Variants in MEF2C observed in about 807,000 individuals in gnomAD.
MEF2C encodes myocyte-specific enhancer factor 2C.
In MEF2C, 6 loss-of-function variants were observed where a neutral mutation model predicts 50.5. The ratio of observed to expected loss-of-function variants is 0.12; its 90% CI spans 0.07 to 0.23. The LOEUF is 0.23. Ranked by LOEUF, MEF2C falls within the 10% of genes least tolerant of loss-of-function variation. MEF2C has a pLI of 1.00. For missense variants in MEF2C, 276 were observed against 605.0 expected, an observed-to-expected ratio of 0.46 and a Z score of 5.70; for synonymous variants, 183 against 228.0, an observed-to-expected ratio of 0.80 and a Z score of 1.78.
intron 1 of MEF2C, among the ~76,000 whole-genome samples, chr5:88,876,100 A>G (rs1362189140): frequency 1.4e-5 from 2 of 147,820 alleles, no homozygotes; most frequent in African/African-American, 5.0e-5. Context: ...TAAACTCCTC[A>G]AACTACCTTC....
intron 3 of MEF2C, among the ~76,000 whole-genome samples, chr5:88,797,622 T>C (rs540421681): frequency 6.6e-6 from 1 of 152,258 alleles, no homozygotes; most frequent in African/African-American, 2.4e-5. Flanking sequence ...TGTCTTTTAA[T>C]TGGGGCATTT....
At chr5:88,736,804 T>A in intron 6 of MEF2C, 1 of 985,414 alleles carries the variant, frequency 1.0e-6, no homozygotes, top group Non-Finnish European at 1.2e-6. Flanking sequence ...CTATGAAACC[T>A]AATTTCCAAT....
intron 1 of MEF2C, among the ~76,000 whole-genome samples, chr5:88,872,148 A>G (rs1829713858): frequency 6.6e-6 from 1 of 152,018 alleles, no homozygotes; most frequent in Non-Finnish European, 1.5e-5. Context: ...AAGGTTATTA[A>G]TGTATACAAA....
At chr5:88,903,465 C>T (rs1270789514) in intron 1 of MEF2C, among the ~76,000 whole-genome samples, 2 of 151,846 alleles carry the variant, frequency 1.3e-5, no homozygotes, top group African/African-American at 2.4e-5. Flanking sequence ...GTTCTTGTAG[C>T]ATGCACACAT....
intron 6 of MEF2C, chr5:88,736,014 G>T (rs1198807017): frequency 2.0e-6 from 2 of 985,066 alleles, no homozygotes. Flanking sequence ...ATGGACCATG[G>T]CTAATTCTGC....
At chr5:88,849,075 C>T (rs1374173344) in intron 1 of MEF2C, among the ~76,000 whole-genome samples, 13 of 146,402 alleles carry the variant, frequency 8.9e-5, no homozygotes, top group African/African-American at 3.0e-4. Flanking sequence ...CGCTTGAACC[C>T]GGGAGGCAGA....
At chr5:88,842,101 T>A (rs1817600588) in intron 1 of MEF2C, among the ~76,000 whole-genome samples, 1 of 152,216 alleles carries the variant, frequency 6.6e-6, no homozygotes, top group African/African-American at 2.4e-5. Flanking sequence ...TGATTTCTGA[T>A]GAAGTGTTCT....
At chr5:88,815,565 A>G (rs1356170525) in intron 2 of MEF2C, among the ~76,000 whole-genome samples, 1 of 152,134 alleles carries the variant, frequency 6.6e-6, no homozygotes, top group Non-Finnish European at 1.5e-5. Flanking sequence ...TACACATTAC[A>G]TATTATCAAT....
chr5:88,761,013 T>C (rs1201372269), intron 4 of MEF2C, 172 bp downstream of exon 4: 1 of 1,610,654 alleles, frequency 6.2e-7, no homozygotes, highest in East Asian at 2.2e-5. Context: ...CTTGATCATA[T>C]TATCAAATTC....
At chr5:88,836,764 C>T (rs936137458) in intron 1 of MEF2C, among the ~76,000 whole-genome samples, 3 of 152,040 alleles carry the variant, frequency 2.0e-5, no homozygotes, top group Admixed American at 6.6e-5. Flanking sequence ...TAACACTAAA[C>T]GGAAAGTATT....
At chr5:88,763,520 G>A (rs1417832727) in intron 3 of MEF2C, among the ~76,000 whole-genome samples, 1 of 152,026 alleles carries the variant, frequency 6.6e-6, no homozygotes, top group Admixed American at 6.6e-5. Context: ...AATACTTTCT[G>A]ATTGTTTTTG....
chr5:88,871,602 A>G (rs1829535003), intron 1 of MEF2C, among the ~76,000 whole-genome samples: 1 of 152,088 alleles, frequency 6.6e-6, no homozygotes, highest in Non-Finnish European at 1.5e-5. Flanking sequence ...TAAACTGGGC[A>G]TGTCTCATCA....
intron 2 of MEF2C, among the ~76,000 whole-genome samples, chr5:88,818,325 T>C (rs150238234): frequency 1.4e-4 from 22 of 152,044 alleles, no homozygotes; most frequent in Non-Finnish European, 2.9e-4. Context: ...AACCTTTGCA[T>C]ATATATGTTA....
At chr5:88,791,125 C>T (rs1409316066) in intron 3 of MEF2C, among the ~76,000 whole-genome samples, 1 of 152,166 alleles carries the variant, frequency 6.6e-6, no homozygotes, top group Non-Finnish European at 1.5e-5. Flanking sequence ...GTTAGTTTTA[C>T]TTAGATGATA....
intron 3 of MEF2C, chr5:88,761,826 C>T (rs1778003978): frequency 6.4e-6 from 1 of 156,028 alleles, no homozygotes; most frequent in Non-Finnish European, 1.4e-5. Flanking sequence ...TTCTGATGTA[C>T]TTGACAGCTA....
intron 1 of MEF2C, among the ~76,000 whole-genome samples, chr5:88,826,266 A>G (rs1039854250): frequency 1.3e-5 from 2 of 152,044 alleles, no homozygotes; most frequent in African/African-American, 4.8e-5. Context: ...AATGCCATTG[A>G]ATATATTTTC....
At chr5:88,734,824 T>C (rs572146096) in intron 6 of MEF2C, 1 of 976,920 alleles carries the variant, frequency 1.0e-6, no homozygotes, top group African/African-American at 1.7e-5. Flanking sequence ...TTTTAGAAGA[T>C]TAGTCACATA....
chr5:88,816,123 C>T (rs1419606935), intron 2 of MEF2C, among the ~76,000 whole-genome samples: 2 of 151,978 alleles, frequency 1.3e-5, no homozygotes, highest in African/African-American at 4.8e-5. Flanking sequence ...CCCTCAAGTT[C>T]AAAGAAGAGT....
At chr5:88,770,072 CAG>C in intron 3 of MEF2C, 1 of 877,292 alleles carries the variant, frequency 1.1e-6, no homozygotes, top group Non-Finnish European at 1.4e-6. Context: ...AAAGACAAGA[CAG>C]AACTATAAAT....
Sources: allele counts gnomAD v4.1 joint callset (sites outside exome capture counted in the v4.1 genomes callset), GRCh38; gene constraint gnomAD v4.1.1; transcripts MANE v1.5; gene names NCBI Gene and HGNC (gene_info 2026-07-23, HGNC 2026-07-21).